The following CTTNBP2 variants were observed in gnomAD, a reference collection of about 807,000 sequenced individuals.
CTTNBP2 encodes the protein cortactin-binding protein 2.
Under a neutral mutation model 156.9 loss-of-function variants are expected in CTTNBP2, and 108 were observed. The observed-to-expected ratio is 0.69, with a 90% CI of 0.59 to 0.81. CTTNBP2 has a LOEUF of 0.81. Among genes scored for constraint, CTTNBP2 ranks in the 30% least tolerant of loss-of-function variants. The pLI, the probability that CTTNBP2 is intolerant of heterozygous loss-of-function variation, is 0.00. For synonymous variants in CTTNBP2, 767 were observed against 751.8 expected, an observed-to-expected ratio of 1.02 and a Z score of -0.33; for missense variants, 1,924 against 2,035.4, an observed-to-expected ratio of 0.95 and a Z score of 1.05.
At chr7:117,771,701 T>A (rs1198519650) in intron 8 of CTTNBP2, among the ~76,000 whole-genome samples, 1 of 152,230 alleles carries the variant, frequency 6.6e-6, no homozygotes, top group Non-Finnish European at 1.5e-5. Flanking sequence ...AAACATTTAG[T>A]ACTTTTGGGC....
chr7:117,791,056 T>C (rs951741897), intron 4 of CTTNBP2, 72 bp downstream of exon 4: 71 of 1,279,596 alleles, frequency 5.5e-5, no homozygotes, highest in Non-Finnish European at 7.3e-5. Context: ...CAAGGCAATG[T>C]GAAGAAAATC....
chr7:117,742,151 G>T (rs969185548), intron 14 of CTTNBP2, among the ~76,000 whole-genome samples: 4 of 152,174 alleles, frequency 2.6e-5, no homozygotes, highest in African/African-American at 9.7e-5. Flanking sequence ...TTCGACAGAG[G>T]CTTTTTCTAT....
chr7:117,746,257 T>G (rs1181313530), intron 12 of CTTNBP2, among the ~76,000 whole-genome samples, 158 bp from the exon 13 acceptor site: 1 of 152,220 alleles, frequency 6.6e-6, no homozygotes, highest in African/African-American at 2.4e-5. Flanking sequence ...ACACCTGTAC[T>G]CTCATTTGAA....
At chr7:117,762,447 A>G (rs1230029598) in intron 9 of CTTNBP2, among the ~76,000 whole-genome samples, 1 of 152,190 alleles carries the variant, frequency 6.6e-6, no homozygotes, top group Non-Finnish European at 1.5e-5. Flanking sequence ...AACACCTTGA[A>G]TTATACTCCC....
intron 9 of CTTNBP2, among the ~76,000 whole-genome samples, chr7:117,761,245 T>C (rs1797200161): frequency 6.6e-6 from 1 of 152,220 alleles, no homozygotes; most frequent in Non-Finnish European, 1.5e-5. Flanking sequence ...AGGGAATGTA[T>C]ATCGAGTTGG....
chr7:117,808,341 G>T (rs981477595), intron 3 of CTTNBP2, among the ~76,000 whole-genome samples: 1 of 151,750 alleles, frequency 6.6e-6, no homozygotes, highest in Non-Finnish European at 1.5e-5. Context: ...GCTCAAAATG[G>T]GAAGTGGATT....
intron 2 of CTTNBP2, among the ~76,000 whole-genome samples, chr7:117,828,112 G>C (rs1401375709): frequency 6.6e-6 from 1 of 152,126 alleles, no homozygotes; most frequent in Non-Finnish European, 1.5e-5. Context: ...GCAATCAAGG[G>C]AAAAGGAATG....
chr7:117,754,189 C>T (rs541353014), intron 12 of CTTNBP2, among the ~76,000 whole-genome samples: 8 of 152,312 alleles, frequency 5.3e-5, no homozygotes, highest in African/African-American at 1.9e-4. Context: ...CAAACACCCT[C>T]CACAAGGCGA....
chr7:117,824,461 C>T (rs886521469), intron 2 of CTTNBP2, among the ~76,000 whole-genome samples: 10 of 152,118 alleles, frequency 6.6e-5, no homozygotes, highest in Non-Finnish European at 1.3e-4. Context: ...GGGAGATCTT[C>T]TTAAGTTTGT....
chr7:117,821,478 T>A (rs1188094468), intron 2 of CTTNBP2, among the ~76,000 whole-genome samples: 1 of 152,172 alleles, frequency 6.6e-6, no homozygotes, highest in Non-Finnish European at 1.5e-5. Flanking sequence ...GAATATGTGG[T>A]TTTTATCCTT....
chr7:117,785,691 A>G (rs890338711), intron 4 of CTTNBP2, among the ~76,000 whole-genome samples: 33 of 152,232 alleles, frequency 2.2e-4, no homozygotes, highest in Non-Finnish European at 3.2e-4. Context: ...ATTTTATGTT[A>G]AGGAACTATA....
chr7:117,828,765 T>C (rs1181157889), intron 2 of CTTNBP2, among the ~76,000 whole-genome samples: 1 of 152,252 alleles, frequency 6.6e-6, no homozygotes, highest in African/African-American at 2.4e-5. Context: ...TGTATACAAT[T>C]TTTCTCCAGC....
intron 4 of CTTNBP2, among the ~76,000 whole-genome samples, chr7:117,787,747 A>G (rs982583489): frequency 6.6e-6 from 1 of 152,166 alleles, no homozygotes; most frequent in African/African-American, 2.4e-5. Context: ...TGCCAAATAG[A>G]GTTTGGGTAA....
rs1562992486 is a variant in CTTNBP2 at position 117,773,698 on chromosome 7, CACACA to C, written c.2778+3808_2778+3812del. Among the ~76,000 whole-genome samples the C allele has an allele frequency of 1.9e-3, 247 of 129,968 alleles. 1 individual carries two copies. The highest frequency in any genetic ancestry group is 5.0e-3 in the Admixed American group (68 of 13,478). The allele number at this position is 129,968 out of a possible 152,430, so 85.3% of individuals were successfully genotyped here. ...ACACACACACACACACACACACACACACACACACACCCCAAAAAACAAAAAGCAGA... is the reference window on the plus strand; with the variant it reads ...ACACACACACACACACACACACACACCACACCCCAAAAAACAAAAAGCAGA... On this transcript the variant is annotated intron_variant, in intron 8 of 22. Coordinates refer to ENST00000160373, the MANE Select transcript of CTTNBP2 (RefSeq NM_033427.3).
intron 8 of CTTNBP2, among the ~76,000 whole-genome samples, chr7:117,768,182 CCTTTT>C (rs202119275): frequency 0.016 from 2,472 of 152,118 alleles, 23 homozygotes; most frequent in South Asian, 0.031. Flanking sequence ...TCTTGTATAG[CCTTTT>C]CTTATCTTTC....
chr7:117,816,277 G>C (rs1800570490), intron 2 of CTTNBP2, among the ~76,000 whole-genome samples: 1 of 152,184 alleles, frequency 6.6e-6, no homozygotes, highest in Admixed American at 6.5e-5. Flanking sequence ...GAGAACTACA[G>C]GGTATATCAG....
At chr7:117,768,400 T>A (rs1027504394) in intron 8 of CTTNBP2, among the ~76,000 whole-genome samples, 4 of 151,694 alleles carry the variant, frequency 2.6e-5, no homozygotes, top group Non-Finnish European at 1.5e-5. Context: ...AACCCCATCC[T>A]ACTAAAAATA....
At chr7:117,822,427 T>C (rs943014129) in intron 2 of CTTNBP2, among the ~76,000 whole-genome samples, 4 of 152,196 alleles carry the variant, frequency 2.6e-5, no homozygotes, top group Non-Finnish European at 5.9e-5. Context: ...GTGTTTACTT[T>C]CCTGCCTTTT....
At chr7:117,850,322 C>T (rs1802857071) in intron 2 of CTTNBP2, among the ~76,000 whole-genome samples, 1 of 152,328 alleles carries the variant, frequency 6.6e-6, no homozygotes, top group South Asian at 2.1e-4. Context: ...ATGGTCGTGC[C>T]ATTGCACTCC....
Sources: allele counts gnomAD v4.1 joint callset (sites outside exome capture counted in the v4.1 genomes callset), GRCh38; gene constraint gnomAD v4.1.1; transcripts MANE v1.5; gene names NCBI Gene and HGNC (gene_info 2026-07-23, HGNC 2026-07-21).